The following MZT1 variants were observed in gnomAD, a reference collection of about 807,000 sequenced individuals.
MZT1 encodes the protein mitotic-spindle organizing protein 1.
MZT1 carries 8 observed loss-of-function variants against 8.5 expected under a neutral mutation model. The observed-to-expected ratio is 0.94, with a 90% CI of 0.55 to 1.70. The LOEUF (loss-of-function observed/expected upper bound fraction) is 1.70, where lower values mean the gene tolerates loss of function less well. Ranked by LOEUF, MZT1 falls within the 40% of genes most tolerant of loss-of-function variation. MZT1 has a pLI of 0.00. For missense variants in MZT1, 93 were observed against 108.6 expected (o/e 0.86, Z 0.64); for synonymous variants, 38 against 42.0 (o/e 0.90, Z 0.37).
At position 72,709,077 on chromosome 13, in the gene MZT1, AATTT is replaced by A. The variant is rs1398088641; in HGVS notation, c.*1241_*1244del. 2.6e-5 allele frequency: 4 copies of A among 152,206 alleles called. No homozygotes were observed. In the East Asian group the frequency reaches 7.7e-4, roughly 29 times the overall value. The allele number at this position is 152,206 out of a possible 1,614,324, so 9.4% of individuals were successfully genotyped here. On this transcript the variant is annotated 3_prime_UTR_variant, in exon 3 of 3. Transcript: ENST00000377818. ...ATCAATACTATTCTACATTTTCTAAAATTTATTTCTAATCTTCACTTTGATGAGT... is the reference window on the plus strand; with the variant it reads ...ATCAATACTATTCTACATTTTCTAAAATTTCTAATCTTCACTTTGATGAGT...
At chr13:72,720,135 A>C (rs1466144732) in intron 1 of MZT1, among the ~76,000 whole-genome samples, 1 of 152,206 alleles carries the variant, frequency 6.6e-6, no homozygotes, top group Non-Finnish European at 1.5e-5. Context: ...ATAGGATCTA[A>C]CTTTTCCTCC....
intron 2 of MZT1, among the ~76,000 whole-genome samples, chr13:72,716,965 C>T (rs2032541039): frequency 6.6e-6 from 1 of 152,122 alleles, no homozygotes; most frequent in Non-Finnish European, 1.5e-5. Flanking sequence ...CTAAACAATC[C>T]CACTAATCTG....
intron 2 of MZT1, among the ~76,000 whole-genome samples, chr13:72,717,013 T>C (rs1015906310): frequency 1.3e-5 from 2 of 152,190 alleles, no homozygotes; most frequent in Non-Finnish European, 2.9e-5. Flanking sequence ...AAGCTGGCAG[T>C]GTTTGTGTTG....
At chr13:72,721,591 T>C (rs1482232781) in intron 1 of MZT1, among the ~76,000 whole-genome samples, 1 of 152,230 alleles carries the variant, frequency 6.6e-6, no homozygotes, top group African/African-American at 2.4e-5. Context: ...CCAGGTCTTC[T>C]AAACTCCTCC....
Position 72,710,025 on chromosome 13 carries a change from T to G in MZT1, c.*297A>C. On this transcript the variant is annotated 3_prime_UTR_variant, in exon 3 of 3. Coordinates refer to ENST00000377818, the MANE Select transcript of MZT1 (RefSeq NM_001071775.3). ...GTGCACATCTGATAGACAGACTGCTTAGAAAATTAAAGCTATCAGAGCTAT... is the reference window on the plus strand; with the variant it reads ...GTGCACATCTGATAGACAGACTGCTGAGAAAATTAAAGCTATCAGAGCTAT... The G allele has an allele frequency of 2.8e-6, 1 of 363,332 alleles. No individual in the cohort carries two copies. Among genetic ancestry groups the G allele is most frequent in the East Asian group, 5.3e-5 (1 of 18,700 alleles). 22.5% of individuals were successfully genotyped at this position (363,332 alleles called of 1,614,324 possible).
chr13:72,725,443 A>G lies in MZT1; in HGVS notation c.79+2081T>C, dbSNP rs548038227. Among the ~76,000 whole-genome samples, 4 of 152,348 alleles carry G rather than the reference A, an allele frequency of 2.6e-5. No individual in the cohort carries two copies. In the East Asian group the frequency reaches 7.7e-4, roughly 29 times the overall value. ...AACAAAATCCTTTCATTTCATGATCAAAATGCAAATGTAGCCAAGAGTTCT... is the reference window on the plus strand; with the variant it reads ...AACAAAATCCTTTCATTTCATGATCGAAATGCAAATGTAGCCAAGAGTTCT... On this transcript the variant is annotated intron_variant, in intron 1 of 2. Coordinates refer to ENST00000377818, the MANE Select transcript of MZT1 (RefSeq NM_001071775.3).
chr13:72,712,795 AT>A (rs2032500367), intron 2 of MZT1, among the ~76,000 whole-genome samples: 1 of 152,166 alleles, frequency 6.6e-6, no homozygotes, highest in Non-Finnish European at 1.5e-5. Flanking sequence ...TGGTTCTCTT[AT>A]ATGCACTCAA....
At chr13:72,711,415 G>A (rs1019371138) in intron 2 of MZT1, among the ~76,000 whole-genome samples, 14 of 151,974 alleles carry the variant, frequency 9.2e-5, no homozygotes, top group South Asian at 4.1e-4. Flanking sequence ...AAATGACTTA[G>A]ACCACATCAA....
intron 2 of MZT1, among the ~76,000 whole-genome samples, chr13:72,717,449 C>A (rs2032547090): frequency 6.6e-6 from 1 of 151,762 alleles, no homozygotes; most frequent in South Asian, 2.1e-4. Context: ...AAGCAATTCT[C>A]CTGCCTCAGC....
chr13:72,718,892 T>A (rs1593797660), intron 2 of MZT1, 60 bp downstream of exon 2: 1 of 1,456,464 alleles, frequency 6.9e-7, no homozygotes, highest in Middle Eastern at 2.5e-4. Context: ...AACTTCATCA[T>A]TAATCATTTT....
chr13:72,717,628 C>T (rs144266739), intron 2 of MZT1, among the ~76,000 whole-genome samples: 2 of 152,342 alleles, frequency 1.3e-5, no homozygotes, highest in East Asian at 3.9e-4. Context: ...CATTAAGCCA[C>T]TGTGCCTGGC....
At chr13:72,723,514 C>T (rs560310574) in intron 1 of MZT1, among the ~76,000 whole-genome samples, 1 of 152,256 alleles carries the variant, frequency 6.6e-6, no homozygotes, top group East Asian at 1.9e-4. Flanking sequence ...GTTCATTCAG[C>T]ATCCCTGAGG....
chr13:72,710,156 G>T lies in MZT1; in HGVS notation c.*166C>A. ...ACACATCTGATAGTTCTCTCTGTAA[G>T]CCACTTTCCACTGATTTATAAAGCT... is the stretch of plus-strand genomic sequence containing the variant. On this transcript the variant is annotated 3_prime_UTR_variant, in exon 3 of 3. Coordinates refer to ENST00000377818, the MANE Select transcript of MZT1 (RefSeq NM_001071775.3). 1 of 637,722 alleles carries T rather than the reference G, an allele frequency of 1.6e-6. No individual in the cohort carries two copies. The allele number at this position is 637,722 out of a possible 1,614,324, so 39.5% of individuals were successfully genotyped here. A position where few individuals can be genotyped will look rare whatever the true frequency, so the allele number is the denominator to read the frequency against.
At chr13:72,717,566 T>G (rs1192521789) in intron 2 of MZT1, among the ~76,000 whole-genome samples, 1 of 152,156 alleles carries the variant, frequency 6.6e-6, no homozygotes, top group Non-Finnish European at 1.5e-5. Flanking sequence ...TTTGAACTCC[T>G]GACATCAGGT....
intron 2 of MZT1, among the ~76,000 whole-genome samples, chr13:72,711,803 G>A (rs77415778): frequency 0.013 from 1,916 of 152,104 alleles, 48 homozygotes; most frequent in African/African-American, 0.044. Flanking sequence ...GTCAAGGAAA[G>A]GCAGGTGTGG....
At chr13:72,710,786 A>G (rs532451924) in intron 2 of MZT1, among the ~76,000 whole-genome samples, 34 of 152,258 alleles carry the variant, frequency 2.2e-4, no homozygotes, top group Admixed American at 7.8e-4. Context: ...TGTCTCATCT[A>G]CATCCCTAAC....
intron 1 of MZT1, among the ~76,000 whole-genome samples, chr13:72,723,619 T>A (rs897478829): frequency 6.6e-6 from 1 of 152,152 alleles, no homozygotes; most frequent in Admixed American, 6.5e-5. Context: ...CCCCAAGATA[T>A]CTCATTATGT....
chr13:72,711,703 C>CAA (rs11436288), intron 2 of MZT1, among the ~76,000 whole-genome samples: 18,123 of 145,562 alleles, frequency 0.12, 1,316 homozygotes, highest in Non-Finnish European at 0.17. Context: ...AAGAAATTAA[C>CAA]AAAAAAAAAA....
chr13:72,727,568 G>T lies in MZT1; in HGVS notation c.35C>A (p.Ala12Glu). ...ASSSGAGAAA[A>E]AAAANLNAVR... ...CGCATTCAGATTCGCCGCCGCGGCCGCCGCCGCCGCCCCAGCACCGCTGCT... is the reference window on the plus strand; with the variant it reads ...CGCATTCAGATTCGCCGCCGCGGCCTCCGCCGCCGCCCCAGCACCGCTGCT... The change falls in exon 1 of 3, where the codon GCG (alanine) becomes GAG (glutamate). Residue 12 changes from alanine (A) to glutamate (E), a missense_variant. By Grantham distance (107) the Ala-to-Glu change is moderately radical (BLOSUM62 -1). Coordinates refer to ENST00000377818, the MANE Select transcript of MZT1 (RefSeq NM_001071775.3). The T allele has an allele frequency of 6.3e-7, 1 of 1,595,564 alleles. No individual in the cohort carries two copies. Among genetic ancestry groups the T allele is most frequent in the Non-Finnish European group, 8.6e-7 (1 of 1,168,128 alleles).
Sources: allele counts gnomAD v4.1 joint callset (sites outside exome capture counted in the v4.1 genomes callset), GRCh38; gene constraint gnomAD v4.1.1; transcripts MANE v1.5; gene names NCBI Gene and HGNC (gene_info 2026-07-23, HGNC 2026-07-21).